MTUS2: variants seen among roughly 807,000 people sequenced by gnomAD.
MTUS2 encodes the protein microtubule-associated tumor suppressor candidate 2.
MTUS2 carries 40 observed loss-of-function variants against 114.1 expected under a neutral mutation model. The ratio of observed to expected loss-of-function variants is 0.35; its 90% CI spans 0.27 to 0.46. MTUS2 has a LOEUF of 0.46. Ranked by LOEUF, MTUS2 falls within the 20% of genes least tolerant of loss-of-function variation. MTUS2 has a pLI of 1.00. For synonymous variants in MTUS2, 688 were observed against 672.0 expected (o/e 1.02, Z -0.37); for missense variants, 1,679 against 1,705.4 (o/e 0.98, Z 0.27).
intron 5 of MTUS2, among the ~76,000 whole-genome samples, chr13:29,139,990 A>G (rs1244137804): frequency 1.3e-5 from 2 of 152,106 alleles, no homozygotes; most frequent in Admixed American, 6.5e-5. Context: ...TTTAATCGAA[A>G]CACGAGGTTG....
intron 7 of MTUS2, among the ~76,000 whole-genome samples, chr13:29,351,727 C>T (rs1869299410): frequency 6.6e-6 from 1 of 152,006 alleles, no homozygotes; most frequent in Non-Finnish European, 1.5e-5. Flanking sequence ...CTCAGCCTTC[C>T]AAGCAGCTGG....
At chr13:29,306,933 C>A in intron 6 of MTUS2, 1 of 541,410 alleles carries the variant, frequency 1.8e-6, no homozygotes, top group Non-Finnish European at 3.6e-6. Context: ...ATGGTTCTAC[C>A]CATGGCAAAT....
chr13:29,102,448 A>C (rs1359721707), intron 5 of MTUS2, among the ~76,000 whole-genome samples: 1 of 152,222 alleles, frequency 6.6e-6, no homozygotes, highest in Non-Finnish European at 1.5e-5. Context: ...AGGTCTGGAC[A>C]GAATAATTGC....
intron 5 of MTUS2, among the ~76,000 whole-genome samples, chr13:29,203,570 A>G (rs2139248448): frequency 6.6e-6 from 1 of 151,822 alleles, no homozygotes; most frequent in South Asian, 2.1e-4. Flanking sequence ...GAAAAAAAAA[A>G]AAAAAAAAAA....
intron 2 of MTUS2, among the ~76,000 whole-genome samples, chr13:28,906,921 G>A (rs192950046): frequency 0.012 from 1,791 of 151,342 alleles, 58 homozygotes; most frequent in Middle Eastern, 0.049. Flanking sequence ...GATACTCCTC[G>A]AGAAGAGCAA....
At chr13:29,278,770 A>G (rs1161102474) in intron 5 of MTUS2, among the ~76,000 whole-genome samples, 1 of 152,162 alleles carries the variant, frequency 6.6e-6, no homozygotes, top group African/African-American at 2.4e-5. Flanking sequence ...TTGATGGTCA[A>G]TTGTGTTATC....
intron 4 of MTUS2, among the ~76,000 whole-genome samples, chr13:29,089,047 C>T (rs1889824147): frequency 6.6e-6 from 1 of 152,244 alleles, no homozygotes; most frequent in South Asian, 2.1e-4. Context: ...CTTTATATTG[C>T]CAGTGGGCTA....
chr13:29,284,013 CA>C (rs946031224), intron 6 of MTUS2, among the ~76,000 whole-genome samples: 1 of 152,160 alleles, frequency 6.6e-6, no homozygotes, highest in Non-Finnish European at 1.5e-5. Flanking sequence ...CAGTATCTAA[CA>C]AAATCATACA....
At chr13:28,941,315 A>G (rs1882222217) in intron 2 of MTUS2, among the ~76,000 whole-genome samples, 1 of 152,086 alleles carries the variant, frequency 6.6e-6, no homozygotes, top group Admixed American at 6.6e-5. Context: ...TGCTTACTGT[A>G]TATATGTGTT....
intron 8 of MTUS2, among the ~76,000 whole-genome samples, chr13:29,407,371 G>A (rs556065245): frequency 3.9e-5 from 6 of 152,004 alleles, no homozygotes; most frequent in African/African-American, 7.2e-5. Context: ...ATATTTAGAC[G>A]TGGAATTACT....
At chr13:28,903,069 T>C (rs949104636) in intron 2 of MTUS2, among the ~76,000 whole-genome samples, 1 of 152,132 alleles carries the variant, frequency 6.6e-6, no homozygotes, top group Non-Finnish European at 1.5e-5. Context: ...TTTGAGAAAT[T>C]GGACCATTTC....
At chr13:29,371,376 C>G (rs1307328138) in intron 8 of MTUS2, among the ~76,000 whole-genome samples, 11 of 110,522 alleles carry the variant, frequency 1.0e-4, no homozygotes, top group Admixed American at 7.4e-4. Flanking sequence ...CGCCACCATG[C>G]CCAACTAATT....
At chr13:28,840,413 T>C (rs1875394286) in intron 2 of MTUS2, among the ~76,000 whole-genome samples, 1 of 152,236 alleles carries the variant, frequency 6.6e-6, no homozygotes, top group Non-Finnish European at 1.5e-5. Flanking sequence ...CTAGCCCATA[T>C]GACGCTTTGT....
At chr13:28,979,707 C>A (rs1451087098) in intron 2 of MTUS2, among the ~76,000 whole-genome samples, 1 of 152,092 alleles carries the variant, frequency 6.6e-6, no homozygotes, top group African/African-American at 2.4e-5. Context: ...GAAAGGGAAT[C>A]TGGGAGAGTA....
chr13:29,217,444 A>G (rs150145114), intron 5 of MTUS2, among the ~76,000 whole-genome samples: 1,814 of 152,322 alleles, frequency 0.012, 17 homozygotes, highest in Middle Eastern at 0.031. Flanking sequence ...TTATGGTTAC[A>G]CTATAGTCTA....
intron 5 of MTUS2, among the ~76,000 whole-genome samples, chr13:29,229,330 T>A (rs1896234377): frequency 6.6e-6 from 1 of 152,224 alleles, no homozygotes; most frequent in South Asian, 2.1e-4. Flanking sequence ...ACATTTTCAC[T>A]CATTTTCTTG....
intron 5 of MTUS2, among the ~76,000 whole-genome samples, chr13:29,263,205 C>A (rs1395229517): frequency 6.6e-6 from 1 of 152,164 alleles, no homozygotes; most frequent in Non-Finnish European, 1.5e-5. Context: ...GGAGACTAGA[C>A]CCTATAGTAG....
At chr13:29,278,164 G>A (rs111554819) in intron 5 of MTUS2, among the ~76,000 whole-genome samples, 1,792 of 152,270 alleles carry the variant, frequency 0.012, 17 homozygotes, top group Middle Eastern at 0.02. Flanking sequence ...ATTCTAGGTG[G>A]ATTGATGATG....
At chr13:29,249,160 G>A (rs1897035814) in intron 5 of MTUS2, among the ~76,000 whole-genome samples, 1 of 151,848 alleles carries the variant, frequency 6.6e-6, no homozygotes, top group African/African-American at 2.4e-5. Context: ...GCTAATTTTT[G>A]CATTTTTTTT....
Sources: gnomAD v4.1 joint callset for allele counts (sites outside exome capture counted in the v4.1 genomes callset) on GRCh38, gnomAD v4.1.1 for gene constraint, MANE v1.5 for transcripts, NCBI Gene and HGNC (gene_info 2026-07-23, HGNC 2026-07-21) for gene names.